Variants in STX18 observed in about 807,000 individuals in gnomAD.
STX18 encodes the protein syntaxin 18.
Under a neutral mutation model 50.1 loss-of-function variants are expected in STX18, and 40 were observed. That is an observed-to-expected ratio of 0.80 (90% confidence interval 0.62 to 1.04). STX18 has a LOEUF of 1.04. Among genes scored for constraint, STX18 ranks in the 50% least tolerant of loss-of-function variants. STX18 has a pLI of 0.00. For synonymous variants in STX18, 158 were observed against 151.8 expected (o/e 1.04, Z -0.30); for missense variants, 410 against 415.8 (o/e 0.99, Z 0.12).
intron 5 of STX18, among the ~76,000 whole-genome samples, chr4:4,453,124 A>G (rs531956150): frequency 6.6e-6 from 1 of 152,372 alleles, no homozygotes; most frequent in South Asian, 2.1e-4. Flanking sequence ...CATTGTTGAA[A>G]TAACAAGGAA....
chr4:4,426,019 T>C (rs1442010291), intron 7 of STX18: 5 of 152,248 alleles, frequency 3.3e-5, no homozygotes, highest in Non-Finnish European at 7.3e-5. Context: ...TCCCGCAATG[T>C]GCAGGGAGTC....
chr4:4,437,760 G>A (rs1408389036), intron 6 of STX18: 2 of 304,444 alleles, frequency 6.6e-6, no homozygotes, highest in Middle Eastern at 1.7e-3. Flanking sequence ...TTTGAGATAT[G>A]GCAAACTATG....
chr4:4,524,416 G>A (rs187800710), intron 1 of STX18, among the ~76,000 whole-genome samples: 94 of 152,310 alleles, frequency 6.2e-4, no homozygotes, highest in Admixed American at 5.2e-4. Context: ...GTCCTAAATG[G>A]ACCAAGCTAG....
At chr4:4,530,172 A>G (rs1731029932) in intron 1 of STX18, among the ~76,000 whole-genome samples, 1 of 152,172 alleles carries the variant, frequency 6.6e-6, no homozygotes, top group African/African-American at 2.4e-5. Context: ...TCAAAAGTAA[A>G]TGTGCTCATT....
rs141220999 is a variant in STX18, at chr4:4,502,138, T to C, written c.169-30432A>G. 3.9e-5 allele frequency among the ~76,000 whole-genome samples: 6 copies of C among 152,314 alleles called. No homozygotes were observed. In the East Asian group the frequency reaches 1.2e-3, roughly 29 times the overall value. ...ACAAAGACCTCTATTAGGTGTAATA[T>C]ACCTAAAAGTATCTGCCAGATACCT... On this transcript the variant is annotated intron_variant, in intron 1 of 10. Transcript: ENST00000306200.
intron 1 of STX18, among the ~76,000 whole-genome samples, chr4:4,472,255 C>T (rs371597455): frequency 5.3e-5 from 8 of 152,196 alleles, no homozygotes; most frequent in African/African-American, 1.7e-4. Flanking sequence ...GTACAAAGCA[C>T]TGTGTTTGTG....
intron 1 of STX18, among the ~76,000 whole-genome samples, chr4:4,480,592 G>A (rs1728412569): frequency 6.6e-6 from 1 of 152,204 alleles, no homozygotes; most frequent in Non-Finnish European, 1.5e-5. Context: ...TGAGGCGTCT[G>A]CCTAGCCCAA....
At chr4:4,518,403 G>A (rs751713165) in intron 1 of STX18, among the ~76,000 whole-genome samples, 4 of 152,092 alleles carry the variant, frequency 2.6e-5, no homozygotes, top group Non-Finnish European at 5.9e-5. Flanking sequence ...CAGAACTTTG[G>A]CCTTGTTATT....
intron 1 of STX18, among the ~76,000 whole-genome samples, chr4:4,480,373 G>A (rs942662475): frequency 1.3e-5 from 2 of 152,106 alleles, no homozygotes; most frequent in African/African-American, 2.4e-5. Flanking sequence ...CTCTGCTGCT[G>A]TCTCCAGACG....
rs1365526089 is a variant in STX18 at position 4,541,892 on chromosome 4, C to T, written c.73G>A (p.Val25Met). 1 of 1,610,894 alleles carries T rather than the reference C, an allele frequency of 6.2e-7. No homozygotes were observed. The highest frequency in any genetic ancestry group is 2.2e-5 in the East Asian group (1 of 44,788). ...CCATCGACCCCGCCGCCCACCGCCA[C>T]TCCCAGCGCCTTGTTCCGCGTCTTC... ...TVKTRNKALG[V>M]AVGGGVDGSR... Residue 25 changes from valine to methionine, a missense_variant, in exon 1 of 11, where the codon GTG becomes ATG. Transcript: ENST00000306200.
intron 1 of STX18, among the ~76,000 whole-genome samples, chr4:4,511,971 T>C (rs1730028739): frequency 6.6e-6 from 1 of 152,052 alleles, no homozygotes; most frequent in Admixed American, 6.6e-5. Flanking sequence ...AGCTGTACAT[T>C]GTAGAATGTT....
At chr4:4,509,800 A>T (rs977040416) in intron 1 of STX18, among the ~76,000 whole-genome samples, 2 of 152,050 alleles carry the variant, frequency 1.3e-5, no homozygotes, top group African/African-American at 4.8e-5. Context: ...GATGACATAT[A>T]AGAAAATGTT....
intron 1 of STX18, among the ~76,000 whole-genome samples, chr4:4,496,360 A>C (rs1729167839): frequency 6.6e-6 from 1 of 152,134 alleles, no homozygotes; most frequent in Non-Finnish European, 1.5e-5. Context: ...TTATGAGAAC[A>C]ACCTCACAGC....
At chr4:4,457,026 G>A (rs960722568) in intron 5 of STX18, among the ~76,000 whole-genome samples, 165 bp downstream of exon 5, 2 of 152,172 alleles carry the variant, frequency 1.3e-5, no homozygotes, top group African/African-American at 4.8e-5. Flanking sequence ...AAAGTGGCTG[G>A]CATGCTGCCT....
At chr4:4,456,212 C>G (rs1018681864) in intron 5 of STX18, among the ~76,000 whole-genome samples, 3 of 151,578 alleles carry the variant, frequency 2.0e-5, no homozygotes, top group Non-Finnish European at 4.4e-5. Flanking sequence ...CCCAGGAGGT[C>G]GTGCCACTGC....
intron 1 of STX18, among the ~76,000 whole-genome samples, chr4:4,528,236 C>A (rs1026424271): frequency 1.3e-5 from 2 of 152,094 alleles, no homozygotes; most frequent in Admixed American, 1.3e-4. Context: ...AAGGAAACCC[C>A]ACTATGCAGC....
chr4:4,537,932 G>A (rs1025166732), intron 1 of STX18, among the ~76,000 whole-genome samples: 6 of 152,150 alleles, frequency 3.9e-5, no homozygotes, highest in Admixed American at 2.0e-4. Flanking sequence ...AATTACAGGA[G>A]AATGTAGTGG....
At position 4,425,155 on chromosome 4, in the gene STX18, C is replaced by A; in HGVS notation, c.761+9G>T. On this transcript the variant is annotated intron_variant, in intron 8 of 10. Transcript: ENST00000306200. Reference sequence around the variant, plus strand: ...AGGCTATCAGCTCACAGAGGAGCTACAAACATACCTCACTTCATCAAACAA... The same window carrying A: ...AGGCTATCAGCTCACAGAGGAGCTAAAAACATACCTCACTTCATCAAACAA... The A allele has an allele frequency of 6.2e-7, 1 of 1,613,222 alleles. No individual in the cohort carries two copies. Among genetic ancestry groups the A allele is most frequent in the Non-Finnish European group, 8.5e-7 (1 of 1,179,110 alleles).
At chr4:4,476,436 G>C (rs1367617202) in intron 1 of STX18, among the ~76,000 whole-genome samples, 1 of 152,212 alleles carries the variant, frequency 6.6e-6, no homozygotes, top group Non-Finnish European at 1.5e-5. Flanking sequence ...GCTCAAGACT[G>C]ACTGAGCTGG....
Sources: gnomAD v4.1 joint callset for allele counts (sites outside exome capture counted in the v4.1 genomes callset) on GRCh38, gnomAD v4.1.1 for gene constraint, MANE v1.5 for transcripts, NCBI Gene and HGNC (gene_info 2026-07-23, HGNC 2026-07-21) for gene names.